The following CSNK1G1 variants were observed in gnomAD, a reference collection of about 807,000 sequenced individuals.
The protein encoded by CSNK1G1 is casein kinase 1 gamma 1.
Under a neutral mutation model 59.6 loss-of-function variants are expected in CSNK1G1, and 22 were observed. The observed-to-expected ratio is 0.37, with a 90% CI of 0.26 to 0.53. The LOEUF is 0.53. CSNK1G1 is among the 20% of genes least tolerant of loss of function. CSNK1G1 has a pLI of 0.89. For synonymous variants in CSNK1G1, 179 were observed against 177.1 expected, an observed-to-expected ratio of 1.01 and a Z score of -0.08; for missense variants, 384 against 519.5, an observed-to-expected ratio of 0.74 and a Z score of 2.54.
intron 10 of CSNK1G1, chr15:64,181,451 C>A: frequency 6.6e-7 from 1 of 1,503,890 alleles, no homozygotes; most frequent in South Asian, 1.3e-5. Context: ...GGAGAGAACA[C>A]AAAATAGGAT....
At chr15:64,325,022 G>C (rs973163046) in intron 1 of CSNK1G1, among the ~76,000 whole-genome samples, 3 of 152,158 alleles carry the variant, frequency 2.0e-5, no homozygotes, top group Admixed American at 6.5e-5. Context: ...TGTGTTAGCA[G>C]GGTAACTATT....
intron 10 of CSNK1G1, among the ~76,000 whole-genome samples, chr15:64,194,459 A>T (rs1341062421): frequency 6.6e-6 from 1 of 151,774 alleles, no homozygotes; most frequent in Non-Finnish European, 1.5e-5. Flanking sequence ...GTAGTCACTA[A>T]GCATAACAGC....
chr15:64,314,783 C>A (rs996080801), intron 1 of CSNK1G1, among the ~76,000 whole-genome samples: 1 of 152,122 alleles, frequency 6.6e-6, no homozygotes, highest in Non-Finnish European at 1.5e-5. Flanking sequence ...TTCTCCAGTT[C>A]CATCCAAGTT....
chr15:64,217,444 G>T lies in CSNK1G1; in HGVS notation c.293-731C>A, dbSNP rs2082326406. Among the ~76,000 whole-genome samples, 3 of 152,302 alleles carry T rather than the reference G, an allele frequency of 2.0e-5. No homozygotes were observed. The South Asian group carries it at 6.2e-4, about 32-fold the overall frequency. ...CTCACCTAAGTGGCAAATTGTGAAT[G>T]AATTTCCTTTATAAAGTGCATTGTA... On this transcript the variant is annotated intron_variant, in intron 4 of 11. Coordinates refer to ENST00000303052, the MANE Select transcript of CSNK1G1 (RefSeq NM_022048.5).
At chr15:64,254,962 T>A (rs775641634) in intron 3 of CSNK1G1, among the ~76,000 whole-genome samples, 1 of 152,230 alleles carries the variant, frequency 6.6e-6, no homozygotes, top group Non-Finnish European at 1.5e-5. Flanking sequence ...CTGAATTAAT[T>A]GTTGAATACA....
At chr15:64,265,764 A>G (rs1892944025) in intron 2 of CSNK1G1, 1 of 455,916 alleles carries the variant, frequency 2.2e-6, no homozygotes, top group Non-Finnish European at 4.4e-6. Flanking sequence ...GAACACACAC[A>G]CCAAAAATGA....
At chr15:64,190,384 A>G (rs1232569473) in intron 10 of CSNK1G1, among the ~76,000 whole-genome samples, 3 of 152,230 alleles carry the variant, frequency 2.0e-5, no homozygotes. Flanking sequence ...TTTCCAAAAT[A>G]AGACTGGTGT....
At position 64,180,431 on chromosome 15, in the gene CSNK1G1, C is replaced by T; in HGVS notation, c.1131G>A (p.Glu377=). The T allele has an allele frequency of 6.2e-7, 1 of 1,614,076 alleles. No individual in the cohort carries two copies. Among genetic ancestry groups the T allele is most frequent in the East Asian group, 2.2e-5 (1 of 44,888 alleles). The change falls in exon 11 of 12, where the codon GAG becomes GAA. Residue 377 remains glutamate (E), a synonymous_variant. Coordinates refer to ENST00000303052, the MANE Select transcript of CSNK1G1 (RefSeq NM_022048.5). ...CTCCCGTGGGATCATCAACATTCAG[C>T]TCTCCATTGGTTGAGCTAACCACCT... The part of the protein sequence containing the change: ...RNQVVSSTNG[E]LNVDDPTGAH...
At chr15:64,300,193 T>G in intron 2 of CSNK1G1, 126 bp downstream of exon 2, 1 of 843,230 alleles carries the variant, frequency 1.2e-6, no homozygotes, top group South Asian at 1.7e-5. Context: ...ACAAATTATT[T>G]CTTAACAACA....
At chr15:64,330,367 C>T (rs1897056652) in intron 1 of CSNK1G1, among the ~76,000 whole-genome samples, 1 of 150,866 alleles carries the variant, frequency 6.6e-6, no homozygotes, top group Admixed American at 6.6e-5. Context: ...AAGGCTGGTT[C>T]AATATACGCA....
intron 4 of CSNK1G1, among the ~76,000 whole-genome samples, chr15:64,234,172 G>A (rs1444118485): frequency 6.6e-6 from 1 of 152,110 alleles, no homozygotes. Context: ...AGGAACAACT[G>A]TGACATTAGT....
chr15:64,353,646 CAAAAAA>C (rs11301406), intron 1 of CSNK1G1, among the ~76,000 whole-genome samples: 3 of 113,390 alleles, frequency 2.6e-5, no homozygotes, highest in African/African-American at 3.2e-5. Context: ...GACTCCATTT[CAAAAAA>C]AAAAAAAAAA....
At chr15:64,238,286 A>G (rs1415681408) in intron 4 of CSNK1G1, among the ~76,000 whole-genome samples, 2 of 151,312 alleles carry the variant, frequency 1.3e-5, no homozygotes, top group East Asian at 3.9e-4. Context: ...TCTGTACAAA[A>G]ACATGCAGCC....
Position 64,210,355 on chromosome 15 carries a change from T to C in CSNK1G1, c.680-2761A>G, listed in dbSNP as rs2140258570. Reference sequence around the variant, plus strand: ...CTGATAACTTAAGCCTTTAGGGCCTTTCAGGAAAAAAATAAGAGTGAAAAC... The same window carrying C: ...CTGATAACTTAAGCCTTTAGGGCCTCTCAGGAAAAAAATAAGAGTGAAAAC... On this transcript the variant is annotated intron_variant, in intron 6 of 11. Transcript: ENST00000303052. The surrounding 1 kb of genome is among the most constrained non-coding windows in gnomAD (Gnocchi z 4.2). Among the ~76,000 whole-genome samples the C allele has an allele frequency of 6.6e-6, 1 of 152,300 alleles. No homozygotes were observed. The highest frequency in any genetic ancestry group is 1.9e-4 in the East Asian group (1 of 5,180).
At chr15:64,291,412 C>T (rs756998634) in intron 2 of CSNK1G1, among the ~76,000 whole-genome samples, 1 of 151,896 alleles carries the variant, frequency 6.6e-6, no homozygotes, top group Non-Finnish European at 1.5e-5. Context: ...CATGGTGAAA[C>T]CCCATCTTTA....
In CSNK1G1 at chr15:64,169,640, G is replaced by A. The variant is rs1332926112; in HGVS notation, c.*2291C>T. 6.6e-6 allele frequency: 1 copy of A among 152,176 alleles called. No individual in the cohort carries two copies. Among genetic ancestry groups the A allele is most frequent in the African/African-American group, 2.4e-5 (1 of 41,440 alleles). 9.4% of individuals were successfully genotyped at this position (152,176 alleles called of 1,614,324 possible). A position where few individuals can be genotyped will look rare whatever the true frequency, so the allele number is the denominator to read the frequency against. On this transcript the variant is annotated 3_prime_UTR_variant, in exon 12 of 12. Transcript: ENST00000303052. Reference sequence around the variant, plus strand: ...AATGCCCAAATCCCAACTGAGAAACGATGTAAATTTTAGTGATAGGGCTGT... The same window carrying A: ...AATGCCCAAATCCCAACTGAGAAACAATGTAAATTTTAGTGATAGGGCTGT...
rs1332689362 is a variant in CSNK1G1 at position 64,206,617 on chromosome 15, A to G, written c.765+892T>C. Reference sequence around the variant, plus strand: ...AAAAAAAAAAAAAAAAAAAAAAAAAAGTCTCACAAGATACTAATGGGACTT... The same window carrying G: ...AAAAAAAAAAAAAAAAAAAAAAAAAGGTCTCACAAGATACTAATGGGACTT... On this transcript the variant is annotated intron_variant, in intron 7 of 11. Coordinates refer to ENST00000303052, the MANE Select transcript of CSNK1G1 (RefSeq NM_022048.5). Among the ~76,000 whole-genome samples the G allele has an allele frequency of 3.0e-3, 360 of 118,114 alleles. 1 individual carries two copies. The highest frequency in any genetic ancestry group is 5.3e-3 in the Middle Eastern group (1 of 190). 77.5% of individuals were successfully genotyped at this position (118,114 alleles called of 152,430 possible).
chr15:64,214,217 A>G lies in CSNK1G1; in HGVS notation c.445-93T>C. On this transcript the variant is annotated intron_variant, in intron 5 of 11. Coordinates refer to ENST00000303052, the MANE Select transcript of CSNK1G1 (RefSeq NM_022048.5). This position sits in a 1 kb window ranked among gnomAD's most constrained non-coding sequence, Gnocchi z 4.3. ...CTTTAGCCAGACCAAGGTTTTAATTATTGAAATAACAGTAAAATTCATCTC... is the reference window on the plus strand; with the variant it reads ...CTTTAGCCAGACCAAGGTTTTAATTGTTGAAATAACAGTAAAATTCATCTC... 1 of 917,418 alleles carries G rather than the reference A, an allele frequency of 1.1e-6. No homozygotes were observed. The highest frequency in any genetic ancestry group is 1.7e-6 in the Non-Finnish European group (1 of 573,784). 56.8% of individuals were successfully genotyped at this position (917,418 alleles called of 1,614,324 possible). A position where few individuals can be genotyped will look rare whatever the true frequency, so the allele number is the denominator to read the frequency against.
At chr15:64,217,614 T>A (rs897229226) in intron 4 of CSNK1G1, among the ~76,000 whole-genome samples, 1 of 152,066 alleles carries the variant, frequency 6.6e-6, no homozygotes, top group Non-Finnish European at 1.5e-5. Flanking sequence ...GGTCAAGAGT[T>A]TGAGACCAGC....
Sources: gnomAD v4.1 joint callset for allele counts (sites outside exome capture counted in the v4.1 genomes callset) on GRCh38, gnomAD v4.1.1 for gene constraint, Gnocchi (gnomAD v3.1) non-coding constraint, MANE v1.5 for transcripts, NCBI Gene and HGNC (gene_info 2026-07-23, HGNC 2026-07-21) for gene names.